The following GRXCR1 variants were observed in gnomAD, a reference collection of about 807,000 sequenced individuals.
The protein encoded by GRXCR1 is glutaredoxin domain-containing cysteine-rich protein 1.
GRXCR1 carries 27 observed loss-of-function variants against 27.3 expected under a neutral mutation model. The observed-to-expected ratio is 0.99, with a 90% confidence interval of 0.73 to 1.37. GRXCR1 has a LOEUF of 1.37. Ranked by LOEUF, GRXCR1 falls within the 40% of genes most tolerant of loss-of-function variation. GRXCR1 has a pLI of 0.00. For synonymous variants in GRXCR1, 122 were observed against 131.1 expected, an observed-to-expected ratio of 0.93 and a Z score of 0.47; for missense variants, 379 against 354.4, an observed-to-expected ratio of 1.07 and a Z score of -0.56.
intron 1 of GRXCR1, among the ~76,000 whole-genome samples, chr4:42,959,818 A>T (rs889437770): frequency 1.3e-5 from 2 of 151,116 alleles, no homozygotes; most frequent in East Asian, 1.9e-4. Flanking sequence ...ATTAGAACTT[A>T]AAAAAAAATT....
At chr4:43,023,787 C>CT (rs1713168351) in intron 3 of GRXCR1, among the ~76,000 whole-genome samples, 1 of 151,928 alleles carries the variant, frequency 6.6e-6, no homozygotes, top group African/African-American at 2.4e-5. Flanking sequence ...TCATCCAAAG[C>CT]TTTTTTGGAG....
intron 1 of GRXCR1, among the ~76,000 whole-genome samples, chr4:42,942,416 A>C (rs1467801389): frequency 6.6e-6 from 1 of 152,066 alleles, no homozygotes; most frequent in African/African-American, 2.4e-5. Context: ...GGGAGGTTTT[A>C]ATTAGAAGCT....
chr4:42,990,041 G>A (rs1577934754), intron 2 of GRXCR1, among the ~76,000 whole-genome samples: 1 of 151,762 alleles, frequency 6.6e-6, no homozygotes, highest in African/African-American at 2.4e-5. Context: ...ATAGTATATA[G>A]CAGTTCTAAG....
intron 1 of GRXCR1, among the ~76,000 whole-genome samples, chr4:42,914,963 C>G (rs1288883743): frequency 6.6e-6 from 1 of 152,080 alleles, no homozygotes; most frequent in Non-Finnish European, 1.5e-5. Flanking sequence ...TGTCTTCCAC[C>G]ATGATTGTAA....
intron 2 of GRXCR1, among the ~76,000 whole-genome samples, chr4:42,995,679 A>G (rs1712132838): frequency 6.6e-6 from 1 of 152,188 alleles, no homozygotes; most frequent in South Asian, 2.1e-4. Context: ...AAAAAGAAGT[A>G]TATGTACGCC....
chr4:42,980,960 G>GTGT (rs1560673663), intron 2 of GRXCR1, among the ~76,000 whole-genome samples: 1 of 143,554 alleles, frequency 7.0e-6, no homozygotes, highest in African/African-American at 2.5e-5. Flanking sequence ...TTTTTTTTGT[G>GTGT]TTTTTTTTTT....
At chr4:42,930,115 C>T (rs1029540353) in intron 1 of GRXCR1, among the ~76,000 whole-genome samples, 4 of 152,008 alleles carry the variant, frequency 2.6e-5, no homozygotes, top group Non-Finnish European at 5.9e-5. Context: ...TGGCTATTAT[C>T]ACCCTTATAC....
chr4:43,001,198 G>A (rs10452063), intron 2 of GRXCR1, among the ~76,000 whole-genome samples: 40 of 151,366 alleles, frequency 2.6e-4, no homozygotes, highest in Middle Eastern at 6.8e-3. Flanking sequence ...TTTTCCCCCC[G>A]GTGTACAATT....
intron 1 of GRXCR1, among the ~76,000 whole-genome samples, chr4:42,921,953 A>C (rs1747021752): frequency 6.6e-6 from 1 of 151,976 alleles, no homozygotes; most frequent in Non-Finnish European, 1.5e-5. Flanking sequence ...TGGAAGTGAC[A>C]GTGTTTCTTG....
intron 2 of GRXCR1, among the ~76,000 whole-genome samples, chr4:42,971,640 A>G (rs1402395153): frequency 6.6e-6 from 1 of 152,102 alleles, no homozygotes. Flanking sequence ...CATGAGAACA[A>G]CAAGGGGAAA....
intron 1 of GRXCR1, among the ~76,000 whole-genome samples, chr4:42,954,371 G>A (rs1351990785): frequency 6.6e-6 from 1 of 152,082 alleles, no homozygotes; most frequent in Non-Finnish European, 1.5e-5. Context: ...CACTATTTTA[G>A]AACAGGGTGG....
chr4:42,983,582 A>G (rs1039384864), intron 2 of GRXCR1, among the ~76,000 whole-genome samples: 17 of 151,902 alleles, frequency 1.1e-4, no homozygotes, highest in Middle Eastern at 3.4e-3. Context: ...GTTTTTTCCA[A>G]TTCTGTGAAG....
chr4:42,971,369 A>G (rs1560669774), intron 2 of GRXCR1, among the ~76,000 whole-genome samples: 2 of 152,168 alleles, frequency 1.3e-5, no homozygotes. Flanking sequence ...AATTTCCTGT[A>G]TTAGTTCATT....
chr4:42,975,853 A>C lies in GRXCR1; in HGVS notation c.627+12719A>C, dbSNP rs74716323. Among the ~76,000 whole-genome samples the C allele has an allele frequency of 7.0e-3, 1,065 of 152,274 alleles. 17 individuals are homozygous for C. The highest frequency in any genetic ancestry group is 0.062 in the East Asian group (321 of 5,182). On this transcript the variant is annotated intron_variant, in intron 2 of 3. Coordinates refer to ENST00000399770, the MANE Select transcript of GRXCR1 (RefSeq NM_001080476.3). Reference sequence around the variant, plus strand: ...ATTTGGTATGAAATGTATAGCAGTAAGTACTTTGAAGCCTCTTTATGCACA... The same window carrying C: ...ATTTGGTATGAAATGTATAGCAGTACGTACTTTGAAGCCTCTTTATGCACA...
chr4:43,011,661 A>C (rs930508448), intron 2 of GRXCR1, among the ~76,000 whole-genome samples: 2 of 152,136 alleles, frequency 1.3e-5, no homozygotes, highest in African/African-American at 4.8e-5. Context: ...TAGGATCCTA[A>C]AAGATAAACC....
intron 1 of GRXCR1, among the ~76,000 whole-genome samples, chr4:42,903,752 G>A (rs897816984): frequency 7.7e-6 from 1 of 129,148 alleles, no homozygotes; most frequent in Non-Finnish European, 1.7e-5. Context: ...ATTACAAGCT[G>A]ATTTTTTTTC....
Position 42,892,742 on chromosome 4 carries a change from G to T in GRXCR1, c.-525G>T, listed in dbSNP as rs887041420. On this transcript the variant is annotated 5_prime_UTR_variant, in exon 1 of 4. An upstream start codon of the reference 5' UTR is lost. Coordinates refer to ENST00000399770, the MANE Select transcript of GRXCR1 (RefSeq NM_001080476.3). ...AATAGTAATAGCTCTATGCAGGCATGCAGCATGCAGCGTGTTCACTGCCCT... is the reference window on the plus strand; with the variant it reads ...AATAGTAATAGCTCTATGCAGGCATTCAGCATGCAGCGTGTTCACTGCCCT... 3.1e-5 allele frequency: 5 copies of T among 162,078 alleles called. No homozygotes were observed. Among genetic ancestry groups the T allele is most frequent in the African/African-American group, 7.2e-5 (3 of 41,520 alleles). 10.0% of individuals were successfully genotyped at this position (162,078 alleles called of 1,614,324 possible). A position where few individuals can be genotyped will look rare whatever the true frequency, so the allele number is the denominator to read the frequency against.
chr4:43,010,222 T>A (rs1352146905), intron 2 of GRXCR1, among the ~76,000 whole-genome samples: 1 of 151,994 alleles, frequency 6.6e-6, no homozygotes, highest in African/African-American at 2.4e-5. Context: ...GCTAACATGG[T>A]GAAACCCTGC....
chr4:42,985,567 T>C (rs967382813), intron 2 of GRXCR1, among the ~76,000 whole-genome samples: 3 of 152,162 alleles, frequency 2.0e-5, no homozygotes, highest in Non-Finnish European at 4.4e-5. Flanking sequence ...ATTTCTGTTT[T>C]TATGAGCATA....
Sources: allele counts gnomAD v4.1 joint callset (sites outside exome capture counted in the v4.1 genomes callset), GRCh38; gene constraint gnomAD v4.1.1; transcripts MANE v1.5; gene names NCBI Gene and HGNC (gene_info 2026-07-23, HGNC 2026-07-21).